POLR1C: variants seen among roughly 807,000 people sequenced by gnomAD.
POLR1C encodes the protein DNA-directed RNA polymerases I and III subunit RPAC1.
Under a neutral mutation model 38.3 loss-of-function variants are expected in POLR1C, and 42 were observed. The observed-to-expected ratio is 1.10, with a 90% confidence interval of 0.86 to 1.42. The LOEUF (loss-of-function observed/expected upper bound fraction) is 1.42. Among genes scored for constraint, POLR1C ranks in the 40% most tolerant of loss-of-function variants. The probability of loss-of-function intolerance (pLI) is 0.00; values close to 1 mark genes in which losing one functional copy is unlikely to be tolerated. For missense variants in POLR1C, 507 were observed against 450.5 expected, an observed-to-expected ratio of 1.13 and a Z score of -1.14; for synonymous variants, 163 against 163.9, an observed-to-expected ratio of 0.99 and a Z score of 0.04.
downstream of POLR1C, among the ~76,000 whole-genome samples, chr6:43,532,753 C>T (rs1326763094): frequency 6.6e-6 from 1 of 152,200 alleles, no homozygotes; most frequent in African/African-American, 2.4e-5. Context: ...CAGAGCCCTG[C>T]CACTTTCCTT....
At chr6:43,530,855 T>C (rs367841894), downstream of POLR1C, 15 of 1,594,640 alleles carry the variant, frequency 9.4e-6, no homozygotes, top group Non-Finnish European at 1.1e-5. Flanking sequence ...GCATTGAAAA[T>C]GACAAATCCA....
chr6:43,524,449 C>T (rs1793416817), downstream of POLR1C: 4 of 1,609,966 alleles, frequency 2.5e-6, no homozygotes, highest in Non-Finnish European at 3.4e-6. Flanking sequence ...GTTGGGAGCA[C>T]TATTGAAGGT....
At chr6:43,517,403 G>T in intron 2 of POLR1C, 26 bp downstream of exon 2, 1 of 1,605,382 alleles carries the variant, frequency 6.2e-7, no homozygotes, top group Non-Finnish European at 8.5e-7. Context: ...GTTGTCTGGG[G>T]AGGGTTATGA....
chr6:43,536,743 G>C (rs1794346696), intron 9 of POLR1C, among the ~76,000 whole-genome samples: 1 of 105,520 alleles, frequency 9.5e-6, no homozygotes, highest in African/African-American at 3.9e-5. Flanking sequence ...CTGGACGACA[G>C]AGTGAGACTC....
intron 9 of POLR1C, chr6:43,550,072 G>C (rs554713182): frequency 2.4e-6 from 2 of 837,828 alleles, no homozygotes; most frequent in Non-Finnish European, 3.9e-6. Context: ...CTGGGACTAC[G>C]GGCATGAGCT....
intron 8 of POLR1C, chr6:43,528,894 A>C: frequency 6.2e-7 from 1 of 1,613,564 alleles, no homozygotes; most frequent in Non-Finnish European, 8.5e-7. Flanking sequence ...GCTCTGGGGG[A>C]CAGAAGAGCA....
At chr6:43,548,274 G>C (rs761776637) in intron 9 of POLR1C, 11 of 1,609,978 alleles carry the variant, frequency 6.8e-6, no homozygotes, top group Non-Finnish European at 8.5e-6. Context: ...TGCATGTCTT[G>C]AGAAAGCCAG....
At chr6:43,524,154 C>T, downstream of POLR1C, 3 of 1,192,478 alleles carry the variant, frequency 2.5e-6, no homozygotes, top group Non-Finnish European at 3.4e-6. Context: ...GAGTTCAAGA[C>T]CAGCCTGACC....
chr6:43,556,058 G>C (rs1762064842), intron 10 of POLR1C: 1 of 1,499,816 alleles, frequency 6.7e-7, no homozygotes, highest in South Asian at 1.3e-5. Flanking sequence ...TAGGGGAAAA[G>C]CATTCAAAGG....
At chr6:43,525,649 T>C, downstream of POLR1C, 1 of 605,856 alleles carries the variant, frequency 1.7e-6, no homozygotes, top group Non-Finnish European at 2.9e-6. Context: ...AGCTCCTGCC[T>C]ATGCTGGTAT....
At chr6:43,527,427 C>T in intron 8 of POLR1C, 1 of 484,826 alleles carries the variant, frequency 2.1e-6, no homozygotes, top group South Asian at 2.2e-5. Flanking sequence ...CTGCGCGCCA[C>T]TACGCCCAGC....
intron 10 of POLR1C, chr6:43,560,350 T>G: frequency 6.5e-7 from 1 of 1,537,746 alleles, no homozygotes; most frequent in Non-Finnish European, 8.7e-7. Flanking sequence ...GGATTCTATA[T>G]AACCCAGATT....
downstream of POLR1C, among the ~76,000 whole-genome samples, chr6:43,531,263 G>T (rs375509983): frequency 2.6e-5 from 4 of 152,200 alleles, no homozygotes; most frequent in African/African-American, 9.6e-5. Context: ...AGTTGGGCAT[G>T]AAGCAGGCTG....
chr6:43,554,301 C>T (rs575894072), intron 10 of POLR1C, among the ~76,000 whole-genome samples: 1 of 151,920 alleles, frequency 6.6e-6, no homozygotes, highest in South Asian at 2.1e-4. Flanking sequence ...TTAGTAGAGA[C>T]GAGGTTTCAC....
chr6:43,528,713 C>A, intron 8 of POLR1C: 1 of 997,444 alleles, frequency 1.0e-6, no homozygotes. Flanking sequence ...CTCTGCCCAG[C>A]CAGTCTGGCA....
chr6:43,531,616 C>A (rs751916995), downstream of POLR1C: 1 of 1,550,318 alleles, frequency 6.5e-7, no homozygotes, highest in Admixed American at 1.7e-5. Context: ...GCTCCACTGT[C>A]AGGAGTCTCA....
At chr6:43,561,927 CAG>C (rs1212974171) in exon 11 of POLR1C, 1 of 192,532 alleles carries the variant, frequency 5.2e-6, no homozygotes, top group Non-Finnish European at 1.1e-5. Context: ...CGTGGGCTAA[CAG>C]AATGTAAAAG....
chr6:43,546,639 A>G, intron 9 of POLR1C: 4 of 1,613,940 alleles, frequency 2.5e-6, no homozygotes, highest in Non-Finnish European at 3.4e-6. Context: ...GGAAGATTGG[A>G]TTTCCACTGG....
chr6:43,556,776 A>G (rs1048506198), intron 10 of POLR1C, among the ~76,000 whole-genome samples: 4 of 152,220 alleles, frequency 2.6e-5, no homozygotes, highest in Non-Finnish European at 5.9e-5. Flanking sequence ...TCAAATGTCC[A>G]TCAACAGATG....
Sources: allele counts gnomAD v4.1 joint callset (sites outside exome capture counted in the v4.1 genomes callset), GRCh38; gene constraint gnomAD v4.1.1; transcripts MANE v1.5; gene names NCBI Gene and HGNC (gene_info 2026-07-23, HGNC 2026-07-21).